The following NLK variants were observed in gnomAD, a reference collection of about 807,000 sequenced individuals.
NLK encodes the protein serine/threonine-protein kinase NLK.
NLK carries 11 observed loss-of-function variants against 59.0 expected under a neutral mutation model. The ratio of observed to expected loss-of-function variants is 0.19; its 90% confidence interval spans 0.12 to 0.31. NLK has a LOEUF of 0.31. Ranked by LOEUF, NLK falls within the 10% of genes least tolerant of loss-of-function variation. The probability of loss-of-function intolerance (pLI) is 1.00; values close to 1 mark genes in which losing one functional copy is unlikely to be tolerated. For synonymous variants in NLK, 235 were observed against 235.9 expected (o/e 1.00, Z 0.03); for missense variants, 410 against 661.1 (o/e 0.62, Z 4.16).
intron 1 of NLK, among the ~76,000 whole-genome samples, chr17:28,052,604 T>C (rs917412885): frequency 6.6e-6 from 1 of 152,168 alleles, no homozygotes; most frequent in South Asian, 2.1e-4. Context: ...ATAGTGAAAG[T>C]ATGCAATCTT....
intron 3 of NLK, among the ~76,000 whole-genome samples, chr17:28,148,553 T>C (rs1567728148): frequency 6.6e-6 from 1 of 152,146 alleles, no homozygotes. Flanking sequence ...ATTTGCCTCT[T>C]GATTTTTTTA....
chr17:28,158,817 G>A (rs2142045646), intron 3 of NLK, among the ~76,000 whole-genome samples: 1 of 152,104 alleles, frequency 6.6e-6, no homozygotes, highest in African/African-American at 2.4e-5. Flanking sequence ...GTAGAGTTGA[G>A]GTCTGAGTTG....
the NLK span, among the ~76,000 whole-genome samples, chr17:28,203,462 C>T: frequency 1.3e-5 from 2 of 152,180 alleles, no homozygotes; most frequent in Non-Finnish European, 2.9e-5. Context: ...AATTGAGTTC[C>T]TCTTCTGTCT....
At chr17:28,087,428 A>G (rs1347130039) in intron 1 of NLK, among the ~76,000 whole-genome samples, 1 of 152,166 alleles carries the variant, frequency 6.6e-6, no homozygotes, top group Non-Finnish European at 1.5e-5. Context: ...TCAATCCTGA[A>G]TATCAGAGAT....
At chr17:28,173,849 T>C (rs1040273937) in intron 7 of NLK, among the ~76,000 whole-genome samples, 33 of 152,216 alleles carry the variant, frequency 2.2e-4, no homozygotes, top group African/African-American at 7.7e-4. Flanking sequence ...ATAATTGTCC[T>C]CTTTCACTGA....
At chr17:28,119,534 G>A (rs1905929122) in intron 1 of NLK, among the ~76,000 whole-genome samples, 1 of 152,068 alleles carries the variant, frequency 6.6e-6, no homozygotes, top group African/African-American at 2.4e-5. Context: ...CTTTGGAAAG[G>A]GCACTGTGTT....
chr17:28,192,055 T>C (rs916006245), intron 9 of NLK, 65 bp from the exon 10 acceptor site: 1 of 883,330 alleles, frequency 1.1e-6, no homozygotes, highest in African/African-American at 1.7e-5. Context: ...TAGAGTTCGC[T>C]GAGAATTCAC....
intron 1 of NLK, among the ~76,000 whole-genome samples, chr17:28,120,047 T>A (rs186766024): frequency 2.6e-5 from 4 of 152,350 alleles, no homozygotes; most frequent in African/African-American, 9.6e-5. Flanking sequence ...ATACAGTGTG[T>A]GATCTGAAGT....
chr17:28,082,929 A>G (rs749566240), intron 1 of NLK, among the ~76,000 whole-genome samples: 1 of 152,236 alleles, frequency 6.6e-6, no homozygotes, highest in Non-Finnish European at 1.5e-5. Context: ...TCTAATGCCA[A>G]GGTTTCCACT....
chr17:28,159,114 G>GA (rs1395908580), intron 3 of NLK, among the ~76,000 whole-genome samples: 1 of 152,210 alleles, frequency 6.6e-6, no homozygotes, highest in African/African-American at 2.4e-5. Flanking sequence ...TACAGTCCAT[G>GA]CAGAGGGAAT....
chr17:28,085,098 T>C (rs1334982020), intron 1 of NLK, among the ~76,000 whole-genome samples: 1 of 152,212 alleles, frequency 6.6e-6, no homozygotes, highest in Non-Finnish European at 1.5e-5. Context: ...AATAGTCACA[T>C]GGTTTAGAAA....
At chr17:28,200,781 C>T (rs1398703561), downstream of NLK, among the ~76,000 whole-genome samples, 1 of 152,178 alleles carries the variant, frequency 6.6e-6, no homozygotes, top group Admixed American at 6.5e-5. Flanking sequence ...CACGCCCGGC[C>T]AACTTTGTTA....
At chr17:28,053,111 T>G (rs2142737501) in intron 1 of NLK, among the ~76,000 whole-genome samples, 1 of 152,122 alleles carries the variant, frequency 6.6e-6, no homozygotes, top group East Asian at 1.9e-4. Flanking sequence ...TACTCATTTC[T>G]GAACCAGTCA....
chr17:28,061,329 T>C (rs1909626186), intron 1 of NLK, among the ~76,000 whole-genome samples: 1 of 152,250 alleles, frequency 6.6e-6, no homozygotes, highest in East Asian at 1.9e-4. Context: ...AAAATGGTCT[T>C]GAACGAACCC....
intron 3 of NLK, among the ~76,000 whole-genome samples, chr17:28,136,848 C>T (rs573927126): frequency 2.5e-4 from 38 of 151,586 alleles, no homozygotes; most frequent in South Asian, 2.1e-4. Flanking sequence ...GGTGATCTGC[C>T]GCTTTGTTGG....
intron 1 of NLK, among the ~76,000 whole-genome samples, chr17:28,092,682 A>G (rs1904538110): frequency 6.6e-6 from 1 of 152,204 alleles, no homozygotes; most frequent in African/African-American, 2.4e-5. Context: ...CGGGGAGATA[A>G]TAGTCAAACA....
chr17:28,081,610 AC>A (rs1910349609), intron 1 of NLK, among the ~76,000 whole-genome samples: 1 of 152,156 alleles, frequency 6.6e-6, no homozygotes, highest in Non-Finnish European at 1.5e-5. Flanking sequence ...CTAAAAGCTG[AC>A]CTTTGAGCTT....
chr17:28,178,159 A>G (rs1472619624), intron 7 of NLK, among the ~76,000 whole-genome samples: 1 of 152,174 alleles, frequency 6.6e-6, no homozygotes, highest in African/African-American at 2.4e-5. Flanking sequence ...TCAGATAAGG[A>G]AAAGAGGGTT....
At chr17:28,057,913 A>AC (rs1159765073) in intron 1 of NLK, among the ~76,000 whole-genome samples, 4 of 152,234 alleles carry the variant, frequency 2.6e-5, no homozygotes, top group Non-Finnish European at 5.9e-5. Context: ...AATGATTGGA[A>AC]AAGGCTGAAA....
Sources: allele counts gnomAD v4.1 joint callset (sites outside exome capture counted in the v4.1 genomes callset), GRCh38; gene constraint gnomAD v4.1.1; transcripts MANE v1.5; gene names NCBI Gene and HGNC (gene_info 2026-07-23, HGNC 2026-07-21).